The following SLC9A6 variants were observed in gnomAD, a reference collection of about 807,000 sequenced individuals.
The protein encoded by SLC9A6 is solute carrier family 9 member A6.
SLC9A6 carries 6 observed loss-of-function variants against 45.3 expected under a neutral mutation model. The ratio of observed to expected loss-of-function variants is 0.13; its 90% CI spans 0.07 to 0.26. The LOEUF is 0.26. Ranked by LOEUF, SLC9A6 falls within the 10% of genes least tolerant of loss-of-function variation. The pLI is 1.00. For missense variants in SLC9A6, 278 were observed against 503.7 expected (o/e 0.55, Z 4.29); for synonymous variants, 191 against 187.7 (o/e 1.02, Z -0.14).
chrX:136,044,755 A>T lies in SLC9A6; in HGVS notation c.*31A>T. On this transcript the variant is annotated 3_prime_UTR_variant, in exon 18 of 18. Coordinates refer to ENST00000630721, the MANE Select transcript of SLC9A6 (RefSeq NM_001379110.1). ...CTAATACTCACTTAGTGATTTGTAA[A>T]ATTTGCACATGTGATTGTGAAGAAA... 8.4e-7 allele frequency: 1 copy of T among 1,189,783 alleles called. No homozygotes were observed. The highest frequency in any genetic ancestry group is 1.1e-6 in the Non-Finnish European group (1 of 875,468).
At chrX:136,022,250 A>G (rs184893982) in intron 11 of SLC9A6, among the ~76,000 whole-genome samples, 2 of 112,554 alleles carry the variant, frequency 1.8e-5, no homozygotes, top group Non-Finnish European at 3.7e-5. Flanking sequence ...CTCTTAATCT[A>G]GTAAATTTCC....
chrX:135,992,564 A>T (rs371180488), intron 2 of SLC9A6, among the ~76,000 whole-genome samples: 26 of 111,724 alleles, frequency 2.3e-4, no homozygotes, highest in South Asian at 1.5e-3. Context: ...GCCATACTAA[A>T]CTACTTGATT....
intron 14 of SLC9A6, 102 bp downstream of exon 14, chrX:136,029,077 G>C (rs1427986815): frequency 3.6e-6 from 1 of 275,370 alleles, no homozygotes. Flanking sequence ...AGGGGTCGTA[G>C]AATGGTTACT....
At chrX:136,026,088 T>C (rs953330920) in intron 13 of SLC9A6, among the ~76,000 whole-genome samples, 5 of 112,437 alleles carry the variant, frequency 4.4e-5, no homozygotes, top group Admixed American at 1.9e-4. Flanking sequence ...ACATAGTTGG[T>C]CACTTAATTA....
chrX:136,024,750 G>T, intron 13 of SLC9A6, among the ~76,000 whole-genome samples: 1 of 111,544 alleles, frequency 9.0e-6, no homozygotes, highest in Non-Finnish European at 1.9e-5. Context: ...TACTCTTGTA[G>T]CCTGATTTTT....
upstream of SLC9A6, chrX:135,985,124 G>A: frequency 1.4e-5 from 2 of 141,189 alleles, no homozygotes; most frequent in Non-Finnish European, 1.4e-5. Flanking sequence ...ACTGGGGGAC[G>A]ATATTGAGAT....
At chrX:136,013,463 A>G (rs368509027) in intron 10 of SLC9A6, 26 bp downstream of exon 10, 128 of 1,035,601 alleles carry the variant, frequency 1.2e-4, no homozygotes, top group Non-Finnish European at 1.7e-4. Context: ...TAGTTTGTGA[A>G]TAGGCTTTTC....
intron 13 of SLC9A6, among the ~76,000 whole-genome samples, chrX:136,024,979 G>T (rs782670711): frequency 8.9e-6 from 1 of 111,767 alleles, no homozygotes; most frequent in African/African-American, 3.2e-5. Flanking sequence ...GTACTTGTTT[G>T]ATTATTTTTT....
chrX:136,019,316 G>T (rs965416998), intron 11 of SLC9A6, among the ~76,000 whole-genome samples: 6 of 112,667 alleles, frequency 5.3e-5, no homozygotes. Flanking sequence ...GGGACTTGCT[G>T]TTGTTCTTGT....
At chrX:136,012,235 A>G (rs1200790920) in intron 8 of SLC9A6, among the ~76,000 whole-genome samples, 1 of 113,174 alleles carries the variant, frequency 8.8e-6, no homozygotes, top group Non-Finnish European at 1.9e-5. Context: ...ATGGCTTTTT[A>G]TAAGTGAACT....
At chrX:136,044,278 C>CT (rs2071560658) in intron 17 of SLC9A6, among the ~76,000 whole-genome samples, 174 bp from the exon 18 acceptor site, 1 of 110,925 alleles carries the variant, frequency 9.0e-6, no homozygotes, top group African/African-American at 3.3e-5. Flanking sequence ...AGGAGAGGAA[C>CT]TAAGGATGCC....
chrX:136,013,112 A>G, intron 9 of SLC9A6, 58 bp downstream of exon 9: 5 of 888,326 alleles, frequency 5.6e-6, no homozygotes, highest in Non-Finnish European at 6.7e-6. Context: ...TTGCCAGTCA[A>G]TTTTGCTCCA....
chrX:135,987,345 A>G (rs782684872), intron 2 of SLC9A6, among the ~76,000 whole-genome samples: 1 of 112,314 alleles, frequency 8.9e-6, no homozygotes, highest in South Asian at 3.7e-4. Flanking sequence ...TAAACCTTCT[A>G]TGTATTATGC....
intron 6 of SLC9A6, 129 bp downstream of exon 6, chrX:135,999,097 T>C (rs2089545584): frequency 2.0e-6 from 1 of 502,199 alleles, no homozygotes; most frequent in Admixed American, 3.0e-5. Context: ...TACTTTCTAA[T>C]TGTGGAGGAA....
rs1426402102 is a variant in SLC9A6 at position 136,023,183 on chromosome X, A to G, written c.1306+486A>G. 6.1e-3 allele frequency among the ~76,000 whole-genome samples: 192 copies of G among 31,251 alleles called. 6 individuals are homozygous for G. Among genetic ancestry groups the G allele is most frequent in the Non-Finnish European group, 8.4e-3 (160 of 18,957 alleles). The allele number at this position is 31,251 out of a possible 115,157, so 27.1% of individuals were successfully genotyped here. ...AAAATGTATATATATATATATATAT[A>G]TATATATATATATATATATATATAT... is the stretch of plus-strand genomic sequence containing the variant. On this transcript the variant is annotated intron_variant, in intron 12 of 17. Coordinates refer to ENST00000630721, the MANE Select transcript of SLC9A6 (RefSeq NM_001379110.1).
intron 17 of SLC9A6, among the ~76,000 whole-genome samples, chrX:136,041,122 G>GA (rs1231264568): frequency 0.019 from 1,976 of 101,955 alleles, 24 homozygotes; most frequent in Middle Eastern, 0.035. Context: ...TGTATCAAAA[G>GA]AAAAAAAAAA....
intron 7 of SLC9A6, chrX:136,010,076 G>T: frequency 5.7e-6 from 1 of 175,662 alleles, no homozygotes; most frequent in African/African-American, 3.0e-5. Context: ...TTTTTCATTA[G>T]TTTGTTCACA....
chrX:136,016,025 C>A (rs782182777), intron 10 of SLC9A6, among the ~76,000 whole-genome samples: 2 of 110,827 alleles, frequency 1.8e-5, no homozygotes, highest in East Asian at 5.7e-4. Context: ...TAGTTCCCCC[C>A]ACAGATAGTT....
intron 3 of SLC9A6, among the ~76,000 whole-genome samples, chrX:135,995,946 CT>C (rs1219749739): frequency 9.4e-6 from 1 of 106,139 alleles, no homozygotes; most frequent in Non-Finnish European, 1.9e-5. Context: ...CTCAATGCCA[CT>C]TTGCTCATGT....
Sources: gnomAD v4.1 joint callset for allele counts (sites outside exome capture counted in the v4.1 genomes callset) on GRCh38, gnomAD v4.1.1 for gene constraint, MANE v1.5 for transcripts, NCBI Gene and HGNC (gene_info 2026-07-23, HGNC 2026-07-21) for gene names.